Variants in STAM2 observed in about 807,000 individuals in gnomAD.
STAM2 encodes the protein signal transducing adapter molecule 2.
In STAM2, 51 loss-of-function variants were observed where a neutral mutation model predicts 65.6. That is an observed-to-expected ratio of 0.78 (90% CI 0.62 to 0.98). The LOEUF (loss-of-function observed/expected upper bound fraction) is 0.98, where lower values mean the gene tolerates loss of function less well. STAM2 is among the 50% of genes least tolerant of loss of function. STAM2 has a pLI of 0.00. For missense variants in STAM2, 584 were observed against 617.8 expected (o/e 0.95, Z 0.58); for synonymous variants, 198 against 208.4 (o/e 0.95, Z 0.43).
At position 152,120,677 on chromosome 2, in the gene STAM2, T is replaced by C. The variant is rs1253929928; in HGVS notation, c.1475A>G (p.Asn492Ser). ...GMSVDMSSYQNTTSNLPQLAG... is the reference protein window; with the variant it reads ...GMSVDMSSYQSTTSNLPQLAG... ...CAGTTGAGGCAAATTGGAAGTAGTG[T>C]TCTGATAAGATGACATATCCACAGA... The change falls in exon 14 of 14, where the codon AAC becomes AGC. Residue 492 changes from asparagine to serine, a missense_variant. Transcript: ENST00000263904. 14 of 1,614,166 alleles carry C rather than the reference T, an allele frequency of 8.7e-6. No individual in the cohort carries two copies. The highest frequency in any genetic ancestry group is 1.1e-5 in the Non-Finnish European group (13 of 1,180,024).
chr2:152,155,181 C>T (rs187664989), intron 1 of STAM2, among the ~76,000 whole-genome samples: 14 of 152,188 alleles, frequency 9.2e-5, no homozygotes, highest in Admixed American at 6.5e-4. Flanking sequence ...ATTTAGGGCA[C>T]GAAGTAGGTG....
At chr2:152,133,341 T>C in intron 9 of STAM2, 61 bp downstream of exon 9, 1 of 1,546,796 alleles carries the variant, frequency 6.5e-7, no homozygotes, top group South Asian at 1.1e-5. Context: ...CCAAGCATTC[T>C]CAAAGATAGT....
intron 13 of STAM2, among the ~76,000 whole-genome samples, chr2:152,122,661 T>C (rs1688877850): frequency 6.6e-6 from 1 of 152,122 alleles, no homozygotes; most frequent in African/African-American, 2.4e-5. Flanking sequence ...AGAGACCTTA[T>C]AGATCATCTA....
At chr2:152,134,205 GTT>G (rs1390697392) in intron 8 of STAM2, among the ~76,000 whole-genome samples, 2 of 152,196 alleles carry the variant, frequency 1.3e-5, no homozygotes, top group East Asian at 3.9e-4. Flanking sequence ...AATCCCAACT[GTT>G]AGTCATTTAT....
At chr2:152,159,108 T>TATATATATATATATATAC in intron 1 of STAM2, among the ~76,000 whole-genome samples, 1 of 136,046 alleles carries the variant, frequency 7.4e-6, no homozygotes, top group Non-Finnish European at 1.6e-5. Context: ...TATATATATA[T>TATATATATATATATATAC]ATACACACAC....
intron 13 of STAM2, 66 bp downstream of exon 13, chr2:152,123,700 A>G (rs1228627676): frequency 1.4e-6 from 2 of 1,459,650 alleles, no homozygotes; most frequent in Non-Finnish European, 1.9e-6. Context: ...AAGGGTCTAT[A>G]TATTCTCATT....
Position 152,123,797 on chromosome 2 carries a change from T to A in STAM2, c.1318A>T (p.Thr440Ser), listed in dbSNP as rs1688904139. Reference protein sequence around the residue: ...SLPPNVNSSVTAQPAQTSYLS... With the variant: ...SLPPNVNSSVSAQPAQTSYLS... ...TATGAAGTTTGAGCAGGCTGTGCTG[T>A]CACTGAGGAATTCACATTTGGAGGC... The change falls in exon 13 of 14, where the codon ACA becomes TCA. Residue 440 changes from threonine (T) to serine (S), a missense_variant. Coordinates refer to ENST00000263904, the MANE Select transcript of STAM2 (RefSeq NM_005843.6). 1 of 1,614,176 alleles carries A rather than the reference T, an allele frequency of 6.2e-7. No individual in the cohort carries two copies. Among genetic ancestry groups the A allele is most frequent in the Non-Finnish European group, 8.5e-7 (1 of 1,180,020 alleles).
intron 1 of STAM2, among the ~76,000 whole-genome samples, chr2:152,159,103 A>ATG (rs1406013679): frequency 1.4e-5 from 2 of 138,084 alleles, no homozygotes; most frequent in Admixed American, 7.2e-5. Flanking sequence ...CCATATATAT[A>ATG]TATATATACA....
chr2:152,120,980 CTTATTTT>C (rs1688842745), intron 13 of STAM2, among the ~76,000 whole-genome samples, 178 bp from the exon 14 acceptor site: 3 of 152,008 alleles, frequency 2.0e-5, no homozygotes, highest in Admixed American at 6.6e-5. Flanking sequence ...TTTTCTTCTT[CTTATTTT>C]TGAGATGGGA....
intron 7 of STAM2, among the ~76,000 whole-genome samples, chr2:152,138,476 T>C (rs774917028): frequency 3.3e-5 from 5 of 152,174 alleles, no homozygotes; most frequent in Non-Finnish European, 4.4e-5. Flanking sequence ...CCACTTGTAA[T>C]AGTTTATCCA....
intron 1 of STAM2, among the ~76,000 whole-genome samples, chr2:152,162,654 T>C (rs563316302): frequency 6.6e-6 from 1 of 152,284 alleles, no homozygotes; most frequent in African/African-American, 2.4e-5. Context: ...CTTATTATTA[T>C]AATTTGAGAT....
In STAM2 at chr2:152,119,455, G is replaced by T. The variant is rs1688809087; in HGVS notation, c.*1119C>A. On this transcript the variant is annotated 3_prime_UTR_variant, in exon 14 of 14. Coordinates refer to ENST00000263904, the MANE Select transcript of STAM2 (RefSeq NM_005843.6). The stretch of plus-strand genomic sequence containing the variant: ...AAAGAAATGGTCAATTTTTTCAACA[G>T]CTTGGTATGTTGACAGCTTAGCAAC... 6.6e-6 allele frequency: 1 copy of T among 152,088 alleles called. No individual in the cohort carries two copies. The highest frequency in any genetic ancestry group is 1.5e-5 in the Non-Finnish European group (1 of 68,006). The allele number at this position is 152,088 out of a possible 1,614,324, so 9.4% of individuals were successfully genotyped here. A position where few individuals can be genotyped will look rare whatever the true frequency, so the allele number is the denominator to read the frequency against.
In STAM2 at chr2:152,123,803, A is replaced by T. The variant is rs751541091; in HGVS notation, c.1312T>A (p.Ser438Thr). Residue 438 changes from serine (S) to threonine (T), a missense_variant, in exon 13 of 14, where the codon TCA (serine) becomes ACA (threonine). By Grantham distance (58) the Ser-to-Thr change is moderately conservative (BLOSUM62 1). Coordinates refer to ENST00000263904, the MANE Select transcript of STAM2 (RefSeq NM_005843.6). ...LRSLPPNVNSSVTAQPAQTSY... is the reference protein window; with the variant it reads ...LRSLPPNVNSTVTAQPAQTSY... Reference sequence around the variant, plus strand: ...GTTTGAGCAGGCTGTGCTGTCACTGAGGAATTCACATTTGGAGGCAGAGAT... The same window carrying T: ...GTTTGAGCAGGCTGTGCTGTCACTGTGGAATTCACATTTGGAGGCAGAGAT... 4 of 1,614,056 alleles carry T rather than the reference A, an allele frequency of 2.5e-6. No homozygotes were observed. Among genetic ancestry groups the T allele is most frequent in the African/African-American group, 1.3e-5 (1 of 74,926 alleles).
At chr2:152,148,003 T>C in intron 4 of STAM2, 21 bp downstream of exon 4, 2 of 1,561,662 alleles carry the variant, frequency 1.3e-6, no homozygotes, top group Non-Finnish European at 1.8e-6. Context: ...GACTTAAAGT[T>C]CTTCTGTTTT....
At chr2:152,145,031 G>A in intron 5 of STAM2, 74 bp from the exon 6 acceptor site, 7 of 1,185,266 alleles carry the variant, frequency 5.9e-6, no homozygotes, top group Non-Finnish European at 8.8e-6. Context: ...ACTTGCAGAT[G>A]GTAAATTTTA....
intron 6 of STAM2, 149 bp from the exon 7 acceptor site, chr2:152,144,162 G>C: frequency 2.8e-5 from 14 of 500,286 alleles, no homozygotes; most frequent in East Asian, 4.2e-5. Context: ...GTGGGGCAGG[G>C]CAGGGAACCA....
At chr2:152,165,212 T>A (rs1370173107) in intron 1 of STAM2, among the ~76,000 whole-genome samples, 1 of 151,152 alleles carries the variant, frequency 6.6e-6, no homozygotes, top group Admixed American at 6.6e-5. Context: ...GATCATGAGG[T>A]CAGGAGATCA....
intron 1 of STAM2, 151 bp downstream of exon 1, chr2:152,175,452 A>G: frequency 9.7e-7 from 1 of 1,036,144 alleles, no homozygotes. Context: ...CCCCAGAAAA[A>G]TCCCAACGTC....
chr2:152,129,534 TTC>T (rs1689020466), intron 11 of STAM2, among the ~76,000 whole-genome samples: 2 of 152,220 alleles, frequency 1.3e-5, no homozygotes, highest in Non-Finnish European at 1.5e-5. Flanking sequence ...TTGTCATAGT[TTC>T]TGCCTTTTTT....
Sources: allele counts gnomAD v4.1 joint callset (sites outside exome capture counted in the v4.1 genomes callset), GRCh38; gene constraint gnomAD v4.1.1; transcripts MANE v1.5; gene names NCBI Gene and HGNC (gene_info 2026-07-23, HGNC 2026-07-21).